Variants in ELMO1 observed in about 807,000 individuals in gnomAD.
The protein encoded by ELMO1 is engulfment and cell motility 1.
ELMO1 carries 26 observed loss-of-function variants against 98.9 expected under a neutral mutation model. The ratio of observed to expected loss-of-function variants is 0.26; its 90% CI spans 0.19 to 0.36. The LOEUF (loss-of-function observed/expected upper bound fraction) is 0.36. ELMO1 is among the 10% of genes least tolerant of loss of function. ELMO1 has a pLI of 1.00. For synonymous variants in ELMO1, 346 were observed against 346.0 expected, an observed-to-expected ratio of 1.00 and a Z score of 0.00; for missense variants, 627 against 935.2, an observed-to-expected ratio of 0.67 and a Z score of 4.30.
chr7:37,036,845 G>T (rs766805518), intron 15 of ELMO1, among the ~76,000 whole-genome samples: 10 of 152,180 alleles, frequency 6.6e-5, no homozygotes, highest in Admixed American at 3.9e-4. Context: ...ACCCAAAAGT[G>T]ATAGCACCAG....
chr7:36,975,453 C>T (rs1163801812), intron 16 of ELMO1, among the ~76,000 whole-genome samples: 4 of 151,894 alleles, frequency 2.6e-5, no homozygotes, highest in Non-Finnish European at 4.4e-5. Flanking sequence ...GCCTGGGTGA[C>T]AGAGCAAGTC....
intron 15 of ELMO1, among the ~76,000 whole-genome samples, chr7:37,074,839 T>C (rs984437788): frequency 9.9e-5 from 15 of 152,206 alleles, no homozygotes; most frequent in Admixed American, 2.0e-4. Context: ...TAGTTTTCTT[T>C]TGAATTGCAT....
At chr7:36,937,893 T>C (rs1786685189) in intron 16 of ELMO1, among the ~76,000 whole-genome samples, 2 of 152,216 alleles carry the variant, frequency 1.3e-5, no homozygotes, top group African/African-American at 2.4e-5. Context: ...CACTCTCTAG[T>C]GGCCCCTGAG....
rs1054213654 is a variant in ELMO1 at position 36,861,673 on chromosome 7, G to A, written c.1969C>T (p.Pro657Ser). ...GAGACCCTTACCTCATGCTTGTCAG[G>A]AGCGATGAAGTTCAGTTGGCAGTTT... ...DSNCQLNFIA[P>S]DKHEYCIWTD... The change falls in exon 21 of 22, where the codon CCT (proline) becomes TCT (serine). Residue 657 changes from proline to serine, a missense_variant. Pro to Ser is a moderately conservative substitution (Grantham distance 74). This residue lies in a region of ELMO1 where 492 missense variants were observed against 715.6 expected (regional missense o/e 0.69). Coordinates refer to ENST00000310758, the MANE Select transcript of ELMO1 (RefSeq NM_014800.11). 6.2e-7 allele frequency: 1 copy of A among 1,611,906 alleles called. No individual in the cohort carries two copies. The highest frequency in any genetic ancestry group is 8.5e-7 in the Non-Finnish European group (1 of 1,179,524).
At chr7:37,189,272 C>T (rs965960523) in intron 13 of ELMO1, among the ~76,000 whole-genome samples, 2 of 152,160 alleles carry the variant, frequency 1.3e-5, no homozygotes, top group African/African-American at 2.4e-5. Context: ...GCATAACATA[C>T]ATCCTTAGAA....
chr7:37,142,037 A>G (rs1417459002), intron 13 of ELMO1, among the ~76,000 whole-genome samples: 2 of 152,204 alleles, frequency 1.3e-5, no homozygotes, highest in Non-Finnish European at 2.9e-5. Flanking sequence ...ATCCTGATTC[A>G]TTTATTCCAA....
rs147233482 is a variant in ELMO1 at position 37,317,042 on chromosome 7, T to C, written c.79-1082A>G. Among the ~76,000 whole-genome samples, 376 of 152,208 alleles carry C rather than the reference T, an allele frequency of 2.5e-3. 2 individuals carry two copies. The highest frequency in any genetic ancestry group is 8.8e-3 in the African/African-American group (365 of 41,526). On this transcript the variant is annotated intron_variant, in intron 2 of 21. Coordinates refer to ENST00000310758, the MANE Select transcript of ELMO1 (RefSeq NM_014800.11). Reference sequence around the variant, plus strand: ...TAGGTTCTACCTACCCCTCAGGCTGTTATAAAAATTAAATTATATTAATTA... The same window carrying C: ...TAGGTTCTACCTACCCCTCAGGCTGCTATAAAAATTAAATTATATTAATTA...
At chr7:37,176,517 T>C (rs1355034207) in intron 13 of ELMO1, among the ~76,000 whole-genome samples, 5 of 152,144 alleles carry the variant, frequency 3.3e-5, no homozygotes, top group South Asian at 2.1e-4. Flanking sequence ...TACTAGAACA[T>C]TGAATGTCCA....
intron 16 of ELMO1, among the ~76,000 whole-genome samples, chr7:36,908,304 CCTT>C (rs1158149154): frequency 1.3e-5 from 2 of 152,168 alleles, no homozygotes; most frequent in South Asian, 2.1e-4. Flanking sequence ...CCACCATTTT[CCTT>C]CTTTTCAAAT....
At chr7:37,256,152 A>C (rs1174371566) in intron 6 of ELMO1, among the ~76,000 whole-genome samples, 1 of 152,178 alleles carries the variant, frequency 6.6e-6, no homozygotes, top group Non-Finnish European at 1.5e-5. Flanking sequence ...CTCCAGCTCC[A>C]GCTTACAGTA....
At chr7:37,003,973 T>C (rs1792870003) in intron 16 of ELMO1, among the ~76,000 whole-genome samples, 1 of 152,244 alleles carries the variant, frequency 6.6e-6, no homozygotes, top group African/African-American at 2.4e-5. Context: ...ACCTATGTGC[T>C]CTTCTGTTCT....
intron 20 of ELMO1, among the ~76,000 whole-genome samples, chr7:36,869,437 T>TACAC (rs1803328962): frequency 6.6e-6 from 1 of 152,214 alleles, no homozygotes; most frequent in South Asian, 2.1e-4. Context: ...CAATAGAAAT[T>TACAC]ACACAGTGGA....
intron 15 of ELMO1, among the ~76,000 whole-genome samples, chr7:37,032,915 G>C (rs1175627595): frequency 5.3e-5 from 8 of 152,184 alleles, no homozygotes; most frequent in Non-Finnish European, 1.2e-4. Flanking sequence ...GGAGAGTCCA[G>C]GGGAAGAGTT....
At chr7:37,058,065 T>C (rs897487841) in intron 15 of ELMO1, among the ~76,000 whole-genome samples, 1 of 152,224 alleles carries the variant, frequency 6.6e-6, no homozygotes, top group African/African-American at 2.4e-5. Flanking sequence ...GGCACACACA[T>C]GTGTGCACAG....
At chr7:37,377,426 C>T (rs1038835284) in intron 1 of ELMO1, among the ~76,000 whole-genome samples, 1 of 152,036 alleles carries the variant, frequency 6.6e-6, no homozygotes, top group Non-Finnish European at 1.5e-5. Context: ...ACAGTGGCCT[C>T]ACACAGTTAC....
intron 18 of ELMO1, among the ~76,000 whole-genome samples, chr7:36,878,485 A>C (rs772478029): frequency 1.3e-5 from 2 of 151,934 alleles, no homozygotes; most frequent in Non-Finnish European, 2.9e-5. Flanking sequence ...AGAAAAAAAA[A>C]CAGATTTCTC....
intron 1 of ELMO1, among the ~76,000 whole-genome samples, chr7:37,402,501 C>A (rs1803579238): frequency 6.6e-6 from 1 of 152,102 alleles, no homozygotes; most frequent in Admixed American, 6.5e-5. Flanking sequence ...TGTTTGGGAA[C>A]TTGATGCCTG....
At chr7:37,006,967 G>A (rs1256721127) in intron 16 of ELMO1, among the ~76,000 whole-genome samples, 1 of 151,652 alleles carries the variant, frequency 6.6e-6, no homozygotes, top group Admixed American at 6.6e-5. Context: ...CTTGATTGCT[G>A]TCCAACAGAA....
At chr7:36,965,261 T>C (rs1041357917) in intron 16 of ELMO1, among the ~76,000 whole-genome samples, 1 of 152,116 alleles carries the variant, frequency 6.6e-6, no homozygotes, top group African/African-American at 2.4e-5. Context: ...CTGAGGACAG[T>C]CCCCTTGTCT....
Sources: allele counts gnomAD v4.1 joint callset (sites outside exome capture counted in the v4.1 genomes callset), GRCh38; gene constraint gnomAD v4.1.1; regional missense constraint gnomAD v4.1.1; transcripts MANE v1.5; gene names NCBI Gene and HGNC (gene_info 2026-07-23, HGNC 2026-07-21).